Variants in GRIK2 observed in about 807,000 individuals in gnomAD.
GRIK2 encodes the protein glutamate receptor ionotropic, kainate 2.
GRIK2 carries 32 observed loss-of-function variants against 100.3 expected under a neutral mutation model. That is an observed-to-expected ratio of 0.32 (90% CI 0.24 to 0.43). The LOEUF (loss-of-function observed/expected upper bound fraction) is 0.43. GRIK2 is among the 20% of genes least tolerant of loss of function. The pLI, the probability that GRIK2 is intolerant of heterozygous loss-of-function variation, is 1.00. For missense variants in GRIK2, 843 were observed against 1,114.9 expected (o/e 0.76, Z 3.47); for synonymous variants, 417 against 389.4 (o/e 1.07, Z -0.83).
At chr6:101,897,127 C>T (rs1400082874) in intron 12 of GRIK2, among the ~76,000 whole-genome samples, 1 of 151,610 alleles carries the variant, frequency 6.6e-6, no homozygotes, top group Non-Finnish European at 1.5e-5. Flanking sequence ...GGTTCTTTGG[C>T]AGTTACTAAT....
chr6:101,769,682 C>T (rs918223155), intron 7 of GRIK2, among the ~76,000 whole-genome samples: 1 of 151,922 alleles, frequency 6.6e-6, no homozygotes, highest in Non-Finnish European at 1.5e-5. Context: ...TTCCAAATAA[C>T]GAGGAAAGAA....
At chr6:101,922,466 T>G (rs1789618658) in intron 12 of GRIK2, among the ~76,000 whole-genome samples, 1 of 152,186 alleles carries the variant, frequency 6.6e-6, no homozygotes, top group Non-Finnish European at 1.5e-5. Context: ...TGTTAATAGC[T>G]AATATACTTT....
intron 16 of GRIK2, among the ~76,000 whole-genome samples, chr6:102,056,624 T>C (rs1771473934): frequency 6.6e-6 from 1 of 151,960 alleles, no homozygotes; most frequent in Non-Finnish European, 1.5e-5. Context: ...GAAAAAGAGG[T>C]ATTTTGAAAA....
At chr6:101,605,241 T>A (rs1779390947) in intron 2 of GRIK2, among the ~76,000 whole-genome samples, 1 of 151,964 alleles carries the variant, frequency 6.6e-6, no homozygotes, top group South Asian at 2.1e-4. Context: ...AGTTACTTAA[T>A]TTCTCTGAAT....
intron 2 of GRIK2, among the ~76,000 whole-genome samples, chr6:101,403,443 G>A (rs988246630): frequency 5.3e-5 from 8 of 152,196 alleles, no homozygotes; most frequent in African/African-American, 1.9e-4. Context: ...CTGACCACCT[G>A]TTTGTGGGAC....
intron 12 of GRIK2, among the ~76,000 whole-genome samples, chr6:101,921,412 G>C (rs965654272): frequency 6.6e-6 from 1 of 151,992 alleles, no homozygotes; most frequent in African/African-American, 2.4e-5. Context: ...ACAAATAATT[G>C]TATGAGCAGA....
intron 2 of GRIK2, among the ~76,000 whole-genome samples, chr6:101,592,753 G>T (rs1778734248): frequency 6.6e-6 from 1 of 151,056 alleles, no homozygotes; most frequent in Admixed American, 6.6e-5. Context: ...ACTTTGGGGG[G>T]TTTGGGTGTG....
intron 11 of GRIK2, among the ~76,000 whole-genome samples, chr6:101,887,806 A>G (rs986179541): frequency 1.8e-4 from 27 of 152,070 alleles, no homozygotes; most frequent in African/African-American, 6.3e-4. Flanking sequence ...AGACAGCAGT[A>G]GAAGACTGGT....
intron 4 of GRIK2, among the ~76,000 whole-genome samples, chr6:101,647,628 A>G (rs577769136): frequency 6.6e-6 from 1 of 152,194 alleles, no homozygotes; most frequent in Admixed American, 6.6e-5. Context: ...TAATGTCACT[A>G]CAAGAAGGAT....
intron 13 of GRIK2, 152 bp downstream of exon 13, chr6:101,924,871 C>G: frequency 1.6e-6 from 1 of 607,156 alleles, no homozygotes; most frequent in South Asian, 2.0e-5. Flanking sequence ...TTTAGGCCTT[C>G]TCAAATCCCA....
intron 7 of GRIK2, among the ~76,000 whole-genome samples, chr6:101,764,824 C>G (rs1474890222): frequency 1.3e-5 from 2 of 152,056 alleles, no homozygotes; most frequent in East Asian, 3.9e-4. Flanking sequence ...TCATTTCTGT[C>G]CTCTGAAAAC....
intron 2 of GRIK2, among the ~76,000 whole-genome samples, chr6:101,532,924 C>A (rs1775514260): frequency 2.0e-5 from 3 of 151,106 alleles, no homozygotes; most frequent in Non-Finnish European, 4.4e-5. Flanking sequence ...TAGAATCATT[C>A]AATATATTTA....
chr6:101,588,656 A>G (rs1250288754), intron 2 of GRIK2, among the ~76,000 whole-genome samples: 1 of 143,130 alleles, frequency 7.0e-6, no homozygotes, highest in Non-Finnish European at 1.5e-5. Flanking sequence ...ACTGCATGAC[A>G]CACACGCACA....
intron 2 of GRIK2, among the ~76,000 whole-genome samples, chr6:101,476,210 T>A (rs1055873004): frequency 2.0e-5 from 3 of 152,120 alleles, no homozygotes; most frequent in Non-Finnish European, 4.4e-5. Flanking sequence ...TCTAGTACAA[T>A]CAGATTGAAC....
intron 12 of GRIK2, among the ~76,000 whole-genome samples, chr6:101,922,734 A>G (rs1257390697): frequency 6.6e-6 from 1 of 152,282 alleles, no homozygotes; most frequent in African/African-American, 2.4e-5. Flanking sequence ...TGGGTGCTCT[A>G]GCAGCAGAGC....
chr6:101,821,281 A>G (rs745345592), intron 10 of GRIK2, among the ~76,000 whole-genome samples: 2 of 152,170 alleles, frequency 1.3e-5, no homozygotes, highest in Non-Finnish European at 2.9e-5. Flanking sequence ...AATCAAGTTT[A>G]TATCTCTCTA....
rs572248371 is a variant in GRIK2, at chr6:101,934,734, A to G, written c.2085+6102A>G. On this transcript the variant is annotated intron_variant, in intron 14 of 16. Transcript: ENST00000369134. ...TTTTATTTAGAGCAATGGTGGTAAT[A>G]TAAGTATAATATATTTACTGTGAAG... Among the ~76,000 whole-genome samples the G allele has an allele frequency of 1.2e-4, 19 of 152,078 alleles. No homozygotes were observed. The East Asian group carries it at 3.3e-3, about 26-fold the overall frequency.
intron 7 of GRIK2, among the ~76,000 whole-genome samples, chr6:101,771,023 T>C (rs1426097286): frequency 6.6e-6 from 1 of 152,180 alleles, no homozygotes; most frequent in African/African-American, 2.4e-5. Flanking sequence ...CTTTAATATG[T>C]ATAATTATTT....
At chr6:101,673,422 A>G (rs1437005168) in intron 4 of GRIK2, among the ~76,000 whole-genome samples, 2 of 152,256 alleles carry the variant, frequency 1.3e-5, no homozygotes, top group African/African-American at 4.8e-5. Flanking sequence ...ACAGATTCCA[A>G]GTGGGCACTT....
Sources: allele counts gnomAD v4.1 joint callset (sites outside exome capture counted in the v4.1 genomes callset), GRCh38; gene constraint gnomAD v4.1.1; transcripts MANE v1.5; gene names NCBI Gene and HGNC (gene_info 2026-07-23, HGNC 2026-07-21).